The following TEX9 variants were observed in gnomAD, a reference collection of about 807,000 sequenced individuals.
TEX9 encodes testis expressed 9.
TEX9 carries 74 observed loss-of-function variants against 59.6 expected under a neutral mutation model. The ratio of observed to expected loss-of-function variants is 1.24; its 90% CI spans 1.03 to 1.51. The LOEUF is 1.51. Ranked by LOEUF, TEX9 falls within the 40% of genes most tolerant of loss-of-function variation. The pLI is 0.00. For synonymous variants in TEX9, 186 were observed against 152.2 expected (o/e 1.22, Z -1.64); for missense variants, 522 against 447.8 (o/e 1.17, Z -1.49).
chr15:56,447,105 C>T (rs1454017050), downstream of TEX9: 1 of 563,446 alleles, frequency 1.8e-6, no homozygotes, highest in East Asian at 3.0e-5. Context: ...TAATGGATGC[C>T]TTTAGGGCAT....
intron 1 of TEX9, among the ~76,000 whole-genome samples, chr15:56,356,745 TAAAGA>T (rs776124845): frequency 1.9e-4 from 29 of 152,172 alleles, no homozygotes; most frequent in Non-Finnish European, 3.7e-4. Context: ...TTGTGATAAT[TAAAGA>T]AATGAGTCAC....
the TEX9 span, among the ~76,000 whole-genome samples, chr15:56,454,234 A>T: frequency 6.6e-6 from 1 of 152,168 alleles, no homozygotes; most frequent in African/African-American, 2.4e-5. Context: ...GGTACACAGT[A>T]TATATTTGTA....
chr15:56,354,948 T>A (rs759848502), intron 1 of TEX9, among the ~76,000 whole-genome samples: 9 of 152,216 alleles, frequency 5.9e-5, no homozygotes, highest in Non-Finnish European at 1.3e-4. Context: ...GCCAATTTAT[T>A]TTTCCCTAGT....
intron 1 of TEX9, among the ~76,000 whole-genome samples, chr15:56,296,260 C>A (rs1700132065): frequency 6.6e-6 from 1 of 152,172 alleles, no homozygotes; most frequent in African/African-American, 2.4e-5. Context: ...ATGTATGCTT[C>A]TTTTAAAATC....
intron 1 of TEX9, among the ~76,000 whole-genome samples, chr15:56,332,538 G>A (rs2046171021): frequency 6.6e-6 from 1 of 151,834 alleles, no homozygotes; most frequent in African/African-American, 2.4e-5. Flanking sequence ...GTTAGTGGGT[G>A]CAGCGCACCA....
At chr15:56,412,313 TAAA>T (rs1156727715) in exon 10 of TEX9, 22 of 1,608,834 alleles carry the variant, frequency 1.4e-5, no homozygotes, top group Non-Finnish European at 1.9e-5. Flanking sequence ...AATTAGAAAA[TAAA>T]AGAAGACTGC....
intron 2 of TEX9, among the ~76,000 whole-genome samples, chr15:56,369,521 G>C (rs967943916): frequency 6.6e-6 from 1 of 152,086 alleles, no homozygotes; most frequent in Non-Finnish European, 1.5e-5. Flanking sequence ...TTTTTGTAGT[G>C]ATGGGGTTTC....
intron 12 of TEX9, chr15:56,429,706 C>T (rs2050515209): frequency 1.3e-5 from 2 of 152,122 alleles, no homozygotes. Flanking sequence ...TTCTTTTCCC[C>T]TACAGTATAC....
intron 1 of TEX9, among the ~76,000 whole-genome samples, chr15:56,358,341 T>TC (rs1194324406): frequency 6.6e-6 from 1 of 150,536 alleles, no homozygotes; most frequent in African/African-American, 2.4e-5. Context: ...ATAGATAAGT[T>TC]TTTTTTTTTT....
intron 1 of TEX9, among the ~76,000 whole-genome samples, chr15:56,247,319 A>T (rs886822504): frequency 3.9e-5 from 6 of 152,234 alleles, no homozygotes; most frequent in Non-Finnish European, 8.8e-5. Flanking sequence ...ACATATTAAC[A>T]TATATAAGAT....
At chr15:56,316,058 T>G (rs2045750742) in intron 1 of TEX9, among the ~76,000 whole-genome samples, 1 of 149,606 alleles carries the variant, frequency 6.7e-6, no homozygotes, top group Admixed American at 6.8e-5. Flanking sequence ...TCTTCTAAAT[T>G]TTTTTCAAAG....
At chr15:56,359,473 G>A (rs1022942443) in intron 1 of TEX9, among the ~76,000 whole-genome samples, 3 of 152,088 alleles carry the variant, frequency 2.0e-5, no homozygotes, top group Non-Finnish European at 2.9e-5. Context: ...GTCCTTTTGT[G>A]TCTGGCTTAT....
rs57286675 is a variant in TEX9 at position 56,403,346 on chromosome 15, C to T, written c.828+8512C>T. Among the ~76,000 whole-genome samples, 39 of 152,316 alleles carry T rather than the reference C, an allele frequency of 2.6e-4. No homozygotes were observed. In the East Asian group the frequency reaches 6.9e-3, roughly 27 times the overall value. ...AGCATTCCTATACACCAATAACAGA[C>T]ACACAGCCAAATCATGAGTGAACTC... On this transcript the variant is annotated intron_variant, in intron 9 of 12. Transcript: ENST00000352903.
At chr15:56,367,484 G>A (rs1288272674) in intron 2 of TEX9, among the ~76,000 whole-genome samples, 2 of 152,174 alleles carry the variant, frequency 1.3e-5, no homozygotes, top group African/African-American at 2.4e-5. Flanking sequence ...ATCACTGTCC[G>A]AAAGGATAGA....
At chr15:56,301,668 A>G (rs1482820161) in intron 1 of TEX9, among the ~76,000 whole-genome samples, 3 of 152,020 alleles carry the variant, frequency 2.0e-5, no homozygotes, top group Non-Finnish European at 2.9e-5. Flanking sequence ...AAAAAAAAAA[A>G]CTTTTACCCT....
intron 1 of TEX9, among the ~76,000 whole-genome samples, chr15:56,287,669 T>C (rs1281501116): frequency 6.6e-6 from 1 of 152,120 alleles, no homozygotes; most frequent in African/African-American, 2.4e-5. Flanking sequence ...GACCAATATC[T>C]CCTCAATCCA....
the TEX9 span, chr15:56,456,324 A>T: frequency 1.4e-6 from 2 of 1,394,562 alleles, no homozygotes; most frequent in Non-Finnish European, 1.9e-6. Flanking sequence ...TTTCACTTTC[A>T]GGTGCTAAGG....
rs1402040643 is a variant in TEX9 at position 56,343,793 on chromosome 15, AAAAT to A, written c.-106-29641_-106-29638del. Among the ~76,000 whole-genome samples, 6 of 152,172 alleles carry A rather than the reference AAAAT, an allele frequency of 3.9e-5. 1 individual carries two copies. The highest frequency in any genetic ancestry group is 6.6e-5 in the Admixed American group (1 of 15,256). ...AAACTCCTACAACCCAATAAATAAG[AAAAT>A]AAATAACCTATATTTAAAAGGGATC... On this transcript the variant is annotated intron_variant, in intron 1 of 5. Coordinates refer to the TEX9 transcript ENST00000560827.
intron 1 of TEX9, chr15:56,274,749 T>G (rs2044629733): frequency 6.6e-6 from 1 of 152,132 alleles, no homozygotes; most frequent in African/African-American, 2.4e-5. Flanking sequence ...CTACCATTAT[T>G]GTGTATGTGG....
Sources: allele counts gnomAD v4.1 joint callset (sites outside exome capture counted in the v4.1 genomes callset), GRCh38; gene constraint gnomAD v4.1.1; transcripts MANE v1.5; gene names NCBI Gene and HGNC (gene_info 2026-07-23, HGNC 2026-07-21).